The following DNAJC10 variants were observed in gnomAD, a reference collection of about 807,000 sequenced individuals.
The protein encoded by DNAJC10 is DnaJ heat shock protein family (Hsp40) member C10, also known as endoplasmic reticulum disulfide reductase DNAJC10.
A neutral mutation model predicts 115.0 loss-of-function variants in DNAJC10; 101 were observed. That is an observed-to-expected ratio of 0.88 (90% CI 0.75 to 1.04). DNAJC10 has a LOEUF of 1.04. Among genes scored for constraint, DNAJC10 ranks in the 50% least tolerant of loss-of-function variants. DNAJC10 has a pLI of 0.00. For missense variants in DNAJC10, 981 were observed against 928.8 expected, an observed-to-expected ratio of 1.06 and a Z score of -0.73; for synonymous variants, 307 against 301.5, an observed-to-expected ratio of 1.02 and a Z score of -0.19.
At chr2:182,758,189 G>A (rs1694204432) in intron 19 of DNAJC10, among the ~76,000 whole-genome samples, 1 of 152,128 alleles carries the variant, frequency 6.6e-6, no homozygotes, top group Admixed American at 6.5e-5. Flanking sequence ...TTACAGAGAA[G>A]TAAACTGTGA....
At chr2:182,754,913 T>C in intron 16 of DNAJC10, 90 bp from the exon 17 acceptor site, 1 of 1,299,008 alleles carries the variant, frequency 7.7e-7, no homozygotes, top group Non-Finnish European at 1.1e-6. Flanking sequence ...TAAAATCTTG[T>C]TCTTGTTACT....
At position 182,793,820 on chromosome 2, in the gene DNAJC10, T is replaced by TCACTCACA. The variant is rs1422379638; in HGVS notation, c.*16691_*16692insTCACACAC. 8 of 135,718 alleles carry TCACTCACA rather than the reference T, an allele frequency of 5.9e-5. No individual in the cohort carries two copies. In the East Asian group the frequency reaches 1.5e-3, roughly 26 times the overall value. 8.4% of individuals were successfully genotyped at this position (135,718 alleles called of 1,614,324 possible). ...TAAAATTTTCCAGAGAGGAAACACA[T>TCACTCACA]CACACACACACACACACACACACAC... On this transcript the variant is annotated 3_prime_UTR_variant, in exon 24 of 24. Coordinates refer to ENST00000264065, the MANE Select transcript of DNAJC10 (RefSeq NM_018981.4).
At chr2:182,746,554 G>A (rs1232975554) in intron 14 of DNAJC10, among the ~76,000 whole-genome samples, 1 of 152,136 alleles carries the variant, frequency 6.6e-6, no homozygotes, top group Middle Eastern at 3.4e-3. Flanking sequence ...GTCTGTTCAT[G>A]TCCTTCGCCC....
intron 10 of DNAJC10, among the ~76,000 whole-genome samples, chr2:182,735,970 T>G (rs1693574007): frequency 6.6e-6 from 1 of 152,142 alleles, no homozygotes. Context: ...AATGTCGTTT[T>G]TTGTGGATTC....
chr2:182,723,988 CT>C (rs1240166124), intron 5 of DNAJC10, among the ~76,000 whole-genome samples: 7 of 152,240 alleles, frequency 4.6e-5, no homozygotes, highest in African/African-American at 1.4e-4. Flanking sequence ...CATTTTTCTG[CT>C]AAGCAGATGT....
At chr2:182,760,168 G>A (rs1300927608) in intron 21 of DNAJC10, among the ~76,000 whole-genome samples, 5 of 151,950 alleles carry the variant, frequency 3.3e-5, no homozygotes, top group Non-Finnish European at 5.9e-5. Context: ...TTTACATGCC[G>A]CTCCCTCTCT....
intron 13 of DNAJC10, among the ~76,000 whole-genome samples, chr2:182,743,008 G>A (rs759931645): frequency 1.3e-5 from 2 of 151,818 alleles, no homozygotes; most frequent in Admixed American, 1.3e-4. Context: ...CACCATGCCT[G>A]GCTAATTTTT....
At chr2:182,738,230 G>C (rs934856721) in intron 11 of DNAJC10, among the ~76,000 whole-genome samples, 1 of 151,908 alleles carries the variant, frequency 6.6e-6, no homozygotes, top group Non-Finnish European at 1.5e-5. Flanking sequence ...CTTTATCCTT[G>C]TGCACTTTTT....
In DNAJC10 at chr2:182,777,558, G is replaced by GCTAT. The variant is rs1324077496; in HGVS notation, c.*430_*433dup. The GCTAT allele has an allele frequency of 4.6e-5, 7 of 152,998 alleles. No individual in the cohort carries two copies. Among genetic ancestry groups the GCTAT allele is most frequent in the African/African-American group, 1.4e-4 (6 of 41,478 alleles). The allele number at this position is 152,998 out of a possible 1,614,324, so 9.5% of individuals were successfully genotyped here. On this transcript the variant is annotated 3_prime_UTR_variant, in exon 24 of 24. Coordinates refer to ENST00000264065, the MANE Select transcript of DNAJC10 (RefSeq NM_018981.4). Reference sequence around the variant, plus strand: ...GCTGGCTTGAACATGAGTCTGCTGTGCTATCTACATAAATGTCTAAGTTGT... The same window carrying GCTAT: ...GCTGGCTTGAACATGAGTCTGCTGTGCTATCTATCTACATAAATGTCTAAGTTGT...
rs900801004 is a variant in DNAJC10 at position 182,777,256 on chromosome 2, T to G, written c.*124T>G. ...CATTATCTTAGACTTGCAGTTGTAC[T>G]GCCAGAATTATCTACAGCACTGGTG... On this transcript the variant is annotated 3_prime_UTR_variant, in exon 24 of 24. Coordinates refer to ENST00000264065, the MANE Select transcript of DNAJC10 (RefSeq NM_018981.4). 1.9e-5 allele frequency: 11 copies of G among 582,712 alleles called. No homozygotes were observed. The highest frequency in any genetic ancestry group is 3.1e-4 in the Middle Eastern group (1 of 3,272). The allele number at this position is 582,712 out of a possible 1,614,324, so 36.1% of individuals were successfully genotyped here.
At chr2:182,750,146 AAGAG>A (rs150225185) in intron 14 of DNAJC10, among the ~76,000 whole-genome samples, 3 of 150,898 alleles carry the variant, frequency 2.0e-5, no homozygotes, top group Non-Finnish European at 4.4e-5. Context: ...GTGGGAGGTC[AAGAG>A]AGAGAGAGAG....
chr2:182,740,443 T>A, intron 12 of DNAJC10, 55 bp downstream of exon 12: 1 of 1,465,988 alleles, frequency 6.8e-7, no homozygotes, highest in Non-Finnish European at 9.1e-7. Flanking sequence ...ACATTTCAGG[T>A]CTTAACATTT....
Position 182,793,817 on chromosome 2 carries a change from A to ACAT in DNAJC10, c.*16688_*16690dup, listed in dbSNP as rs1185670075. 6 of 101,132 alleles carry ACAT rather than the reference A, an allele frequency of 5.9e-5. No homozygotes were observed. Among genetic ancestry groups the ACAT allele is most frequent in the African/African-American group, 2.7e-4 (6 of 22,102 alleles). The allele number at this position is 101,132 out of a possible 1,614,324, so 6.3% of individuals were successfully genotyped here. On this transcript the variant is annotated 3_prime_UTR_variant, in exon 24 of 24. Coordinates refer to ENST00000264065, the MANE Select transcript of DNAJC10 (RefSeq NM_018981.4). ...TCCTAAAATTTTCCAGAGAGGAAAC[A>ACAT]CATCACACACACACACACACACACA...
intron 22 of DNAJC10, among the ~76,000 whole-genome samples, chr2:182,773,639 A>T (rs1470187001): frequency 6.6e-6 from 1 of 152,170 alleles, no homozygotes; most frequent in Non-Finnish European, 1.5e-5. Flanking sequence ...AAGCTTGTGC[A>T]TGTGTCACCA....
Position 182,777,856 on chromosome 2 carries a change from T to C in DNAJC10, c.*724T>C, listed in dbSNP as rs553544393. 1 of 152,292 alleles carries C rather than the reference T, an allele frequency of 6.6e-6. No individual in the cohort carries two copies. 9.4% of individuals were successfully genotyped at this position (152,292 alleles called of 1,614,324 possible). The stretch of plus-strand genomic sequence containing the variant: ...CAGCAGTATATGTGCACACAGTAAG[T>C]ACACAAATTTGAGCAACAGTAAGTG... On this transcript the variant is annotated 3_prime_UTR_variant, in exon 24 of 24. Transcript: ENST00000264065.
intron 10 of DNAJC10, among the ~76,000 whole-genome samples, chr2:182,734,415 T>C (rs1034080147): frequency 1.3e-5 from 2 of 151,790 alleles, no homozygotes. Flanking sequence ...TATTTTTGGC[T>C]AGCTTGATTC....
chr2:182,725,592 AC>A (rs781505056), intron 5 of DNAJC10, among the ~76,000 whole-genome samples: 46 of 152,322 alleles, frequency 3.0e-4, no homozygotes, highest in Middle Eastern at 3.4e-3. Context: ...CGAAAGCCTA[AC>A]CAGAGAAAGA....
rs118000968 is a variant in DNAJC10, at chr2:182,724,190, T to C, written c.418+2115T>C. On this transcript the variant is annotated intron_variant, in intron 5 of 23. Transcript: ENST00000264065. ...TTTAATATAAGCCCTAAATAAGACATTACCTTGGAAAATCACTTTATTTGA... is the reference window on the plus strand; with the variant it reads ...TTTAATATAAGCCCTAAATAAGACACTACCTTGGAAAATCACTTTATTTGA... Among the ~76,000 whole-genome samples the C allele has an allele frequency of 2.7e-3, 410 of 152,282 alleles. 7 individuals are homozygous for C. The East Asian group carries it at 0.049, about 18-fold the overall frequency.
Position 182,718,254 on chromosome 2 carries a change from G to A in DNAJC10, c.168G>A (p.Lys56=), listed in dbSNP as rs892432738. ...ASSREIRQAF[K]KLALKLHPDK... ...GTAGAGAAATAAGACAAGCTTTCAA[G>A]AAATTGGCATTGAAGTTACATCCTG... The change falls in exon 3 of 24, where the codon AAG becomes AAA. Residue 56 remains lysine, a synonymous_variant. Transcript: ENST00000264065. 5 of 1,611,516 alleles carry A rather than the reference G, an allele frequency of 3.1e-6. No homozygotes were observed. In the South Asian group the frequency reaches 4.4e-5, roughly 14 times the overall value.
Sources: gnomAD v4.1 joint callset for allele counts (sites outside exome capture counted in the v4.1 genomes callset) on GRCh38, gnomAD v4.1.1 for gene constraint, MANE v1.5 for transcripts, NCBI Gene and HGNC (gene_info 2026-07-23, HGNC 2026-07-21) for gene names.